The following CNBD1 variants were observed in gnomAD, a reference collection of about 807,000 sequenced individuals.
The protein encoded by CNBD1 is cyclic nucleotide-binding domain-containing protein 1.
Under a neutral mutation model 54.4 loss-of-function variants are expected in CNBD1, and 71 were observed. That is an observed-to-expected ratio of 1.30 (90% CI 1.08 to 1.59). CNBD1 has a LOEUF of 1.59. CNBD1 is among the 40% of genes most tolerant of loss of function. The probability of loss-of-function intolerance (pLI) is 0.00; values close to 1 mark genes in which losing one functional copy is unlikely to be tolerated. For missense variants in CNBD1, 659 were observed against 518.0 expected, an observed-to-expected ratio of 1.27 and a Z score of -2.64; for synonymous variants, 182 against 170.7, an observed-to-expected ratio of 1.07 and a Z score of -0.51.
chr8:86,969,193 A>G (rs1808163612), intron 4 of CNBD1, among the ~76,000 whole-genome samples: 1 of 151,876 alleles, frequency 6.6e-6, no homozygotes, highest in Admixed American at 6.6e-5. Context: ...TTTAAATGTT[A>G]TGTTTGCTTT....
intron 4 of CNBD1, among the ~76,000 whole-genome samples, chr8:86,967,340 T>C (rs529713740): frequency 6.6e-6 from 1 of 152,256 alleles, no homozygotes; most frequent in South Asian, 2.1e-4. Context: ...GCAGTTTGGA[T>C]GGCTATAGTC....
chr8:87,299,336 A>G (rs371649342), intron 8 of CNBD1, among the ~76,000 whole-genome samples: 9 of 152,148 alleles, frequency 5.9e-5, no homozygotes, highest in South Asian at 4.1e-4. Flanking sequence ...TTAGATCACA[A>G]TGCGGTTTGT....
chr8:87,292,706 A>G (rs1314658657), intron 8 of CNBD1, among the ~76,000 whole-genome samples: 1 of 152,206 alleles, frequency 6.6e-6, no homozygotes, highest in Non-Finnish European at 1.5e-5. Flanking sequence ...AATCCTTTGT[A>G]AAAGTTTTAA....
At chr8:86,971,525 T>A (rs2130491435) in intron 4 of CNBD1, among the ~76,000 whole-genome samples, 1 of 152,340 alleles carries the variant, frequency 6.6e-6, no homozygotes, top group South Asian at 2.1e-4. Context: ...TATCTTTGGA[T>A]AACTGATGAG....
At chr8:86,989,796 C>T (rs573331276) in intron 4 of CNBD1, among the ~76,000 whole-genome samples, 1 of 152,274 alleles carries the variant, frequency 6.6e-6, no homozygotes, top group South Asian at 2.1e-4. Context: ...TACTAATTTA[C>T]AATTCCCATC....
chr8:87,321,612 C>A (rs1373861246), intron 8 of CNBD1, among the ~76,000 whole-genome samples: 1 of 152,004 alleles, frequency 6.6e-6, no homozygotes, highest in East Asian at 1.9e-4. Flanking sequence ...GGTATATAGT[C>A]TGCAAATATT....
At chr8:86,984,860 C>A (rs945764194) in intron 4 of CNBD1, among the ~76,000 whole-genome samples, 1 of 152,100 alleles carries the variant, frequency 6.6e-6, no homozygotes, top group African/African-American at 2.4e-5. Flanking sequence ...AGACTGTGAA[C>A]TTTTGAGTTA....
intron 4 of CNBD1, among the ~76,000 whole-genome samples, chr8:87,120,586 C>T (rs1271336163): frequency 6.6e-6 from 1 of 151,600 alleles, no homozygotes; most frequent in African/African-American, 2.4e-5. Context: ...TATTTCTTTC[C>T]TTCTGCTAAT....
At chr8:86,950,371 C>G (rs1235320215) in intron 4 of CNBD1, among the ~76,000 whole-genome samples, 1 of 152,068 alleles carries the variant, frequency 6.6e-6, no homozygotes, top group Non-Finnish European at 1.5e-5. Context: ...CCCAGCCTAT[C>G]AACTGCTTTT....
chr8:87,375,197 A>C (rs1810901489), intron 10 of CNBD1, among the ~76,000 whole-genome samples: 1 of 151,870 alleles, frequency 6.6e-6, no homozygotes, highest in Non-Finnish European at 1.5e-5. Context: ...TTCAGCTCTT[A>C]GTTTTGTAAT....
chr8:87,052,390 A>G (rs530813932), intron 4 of CNBD1, among the ~76,000 whole-genome samples: 3 of 152,322 alleles, frequency 2.0e-5, no homozygotes, highest in South Asian at 2.1e-4. Context: ...CAGACTTTCC[A>G]TAAAGGCCAA....
chr8:87,095,518 C>T (rs554197566), intron 4 of CNBD1, among the ~76,000 whole-genome samples: 6 of 152,306 alleles, frequency 3.9e-5, no homozygotes, highest in African/African-American at 9.6e-5. Flanking sequence ...CATGATTTTG[C>T]ATCATATTTA....
At chr8:87,384,225 T>C (rs1460463249), downstream of CNBD1, among the ~76,000 whole-genome samples, 1 of 152,124 alleles carries the variant, frequency 6.6e-6, no homozygotes, top group Non-Finnish European at 1.5e-5. Context: ...TCTGTAGCCA[T>C]TAGATATTTT....
At chr8:87,001,810 A>C (rs889953800) in intron 4 of CNBD1, among the ~76,000 whole-genome samples, 7 of 152,130 alleles carry the variant, frequency 4.6e-5, no homozygotes, top group Non-Finnish European at 1.0e-4. Flanking sequence ...TCAGTTGGGA[A>C]GATATTTCCC....
chr8:87,048,774 A>G (rs1433176449), intron 4 of CNBD1, among the ~76,000 whole-genome samples: 1 of 152,242 alleles, frequency 6.6e-6, no homozygotes, highest in Non-Finnish European at 1.5e-5. Context: ...GTCTTCTGCC[A>G]GATAACTTCC....
intron 2 of CNBD1, among the ~76,000 whole-genome samples, chr8:87,425,946 G>T (rs1808040100): frequency 6.6e-6 from 1 of 152,204 alleles, no homozygotes; most frequent in South Asian, 2.1e-4. Flanking sequence ...TTTGATCTCA[G>T]ACTGCTGTGC....
intron 2 of CNBD1, among the ~76,000 whole-genome samples, chr8:87,401,538 T>A (rs1807564031): frequency 1.1e-4 from 17 of 152,080 alleles, no homozygotes; most frequent in Admixed American, 1.1e-3. Context: ...ATGCATTGTT[T>A]ATCTTTCTTG....
At chr8:87,218,875 T>G (rs1352861805) in intron 5 of CNBD1, among the ~76,000 whole-genome samples, 1 of 151,980 alleles carries the variant, frequency 6.6e-6, no homozygotes, top group East Asian at 1.9e-4. Context: ...GTTTTTCCTA[T>G]GTTTATCTTC....
At position 87,365,411 on chromosome 8, in the gene CNBD1, G is replaced by A. The variant is rs965224612; in HGVS notation, c.1303+11625G>A. ...TCTGGATATTAGACCTTTGTCAGAT[G>A]TGTAGTTAGACCATTTTAACTTGTA... On this transcript the variant is annotated intron_variant, in intron 10 of 10. Transcript: ENST00000518476. Among the ~76,000 whole-genome samples the A allele has an allele frequency of 5.9e-5, 9 of 151,946 alleles. 1 individual carries two copies. In the Admixed American group the frequency reaches 5.9e-4, roughly 10 times the overall value.
Sources: allele counts gnomAD v4.1 joint callset (sites outside exome capture counted in the v4.1 genomes callset), GRCh38; gene constraint gnomAD v4.1.1; transcripts MANE v1.5; gene names NCBI Gene and HGNC (gene_info 2026-07-23, HGNC 2026-07-21).